Variants in INSL6 observed in about 807,000 individuals in gnomAD.
INSL6 encodes the protein insulin-like peptide INSL6.
In INSL6, 16 loss-of-function variants were observed where a neutral mutation model predicts 9.4. The ratio of observed to expected loss-of-function variants is 1.70; its 90% CI spans 1.15 to 2.59. INSL6 has a LOEUF of 2.59. Ranked by LOEUF, INSL6 falls within the 30% of genes most tolerant of loss-of-function variation. The pLI, the probability that INSL6 is intolerant of heterozygous loss-of-function variation, is 0.00. For missense variants in INSL6, 391 were observed against 257.3 expected (o/e 1.52, Z -3.56); for synonymous variants, 154 against 96.9 (o/e 1.59, Z -3.46).
At chr9:5,068,168 C>A in the INSL6 span, among the ~76,000 whole-genome samples, 16 of 79,652 alleles carry the variant, frequency 2.0e-4, no homozygotes, top group Admixed American at 7.7e-4. Context: ...CAAAAAAAAA[C>A]AACAACAAAA....
chr9:5,042,863 C>T, the INSL6 span, among the ~76,000 whole-genome samples: 2 of 152,238 alleles, frequency 1.3e-5, no homozygotes, highest in African/African-American at 4.8e-5. Flanking sequence ...GCTCGGTCGC[C>T]ACAGGCACGG....
At chr9:5,122,891 A>G, downstream of INSL6, 6 of 650,584 alleles carry the variant, frequency 9.2e-6, no homozygotes, top group Non-Finnish European at 7.6e-6. Context: ...GCCTGCTGTG[A>G]TAACTCTTTT....
At chr9:5,138,046 C>T (rs900198840) in intron 2 of INSL6, among the ~76,000 whole-genome samples, 4 of 152,134 alleles carry the variant, frequency 2.6e-5, no homozygotes, top group Admixed American at 6.5e-5. Context: ...CATCTCATGC[C>T]AGTTAGAATG....
At chr9:5,073,878 A>G in the INSL6 span, 1 of 768,814 alleles carries the variant, frequency 1.3e-6, no homozygotes, top group South Asian at 1.6e-5. Context: ...GCTAGGTGTC[A>G]GTGTAAACTA....
the INSL6 span, among the ~76,000 whole-genome samples, chr9:5,106,555 C>T: frequency 1.3e-5 from 2 of 152,156 alleles, no homozygotes; most frequent in African/African-American, 2.4e-5. Context: ...ACTGGGTATA[C>T]ACCCAAAGGA....
intron 1 of INSL6, among the ~76,000 whole-genome samples, chr9:5,165,685 G>T (rs1011433965): frequency 1.1e-4 from 16 of 152,100 alleles, no homozygotes; most frequent in African/African-American, 3.9e-4. Flanking sequence ...TAAAGAAATA[G>T]AGAAGTGGTA....
At chr9:5,136,679 A>G (rs1226991266) in intron 2 of INSL6, among the ~76,000 whole-genome samples, 3 of 152,204 alleles carry the variant, frequency 2.0e-5, no homozygotes, top group Admixed American at 6.5e-5. Context: ...GAACGGGCAA[A>G]AACTGGAAGC....
chr9:5,019,278 C>T, the INSL6 span, among the ~76,000 whole-genome samples: 1 of 152,022 alleles, frequency 6.6e-6, no homozygotes, highest in African/African-American at 2.4e-5. Flanking sequence ...GGGGTTATTT[C>T]AGAAGACCTG....
the INSL6 span, among the ~76,000 whole-genome samples, chr9:5,106,444 TGGTG>T: frequency 4.6e-5 from 7 of 152,238 alleles, no homozygotes; most frequent in Non-Finnish European, 8.8e-5. Flanking sequence ...TTCACACTGT[TGGTG>T]GGAGTAGTGT....
chr9:5,045,556 T>G, the INSL6 span, among the ~76,000 whole-genome samples: 1 of 152,226 alleles, frequency 6.6e-6, no homozygotes, highest in Non-Finnish European at 1.5e-5. Context: ...TCATACCCAT[T>G]AAATAATAAC....
downstream of INSL6, among the ~76,000 whole-genome samples, chr9:5,162,006 G>T (rs569072563): frequency 6.6e-6 from 1 of 152,018 alleles, no homozygotes; most frequent in Non-Finnish European, 1.5e-5. Flanking sequence ...TTGAGCCCAG[G>T]AGGTTGAGGG....
chr9:5,104,614 A>C, the INSL6 span, among the ~76,000 whole-genome samples: 1 of 152,188 alleles, frequency 6.6e-6, no homozygotes, highest in Non-Finnish European at 1.5e-5. Context: ...CAAAAAAATA[A>C]TTTTAGACCA....
chr9:5,013,283 A>ATATT, the INSL6 span, among the ~76,000 whole-genome samples: 10 of 152,198 alleles, frequency 6.6e-5, no homozygotes, highest in African/African-American at 9.6e-5. Context: ...TCACCTCACC[A>ATATT]TATTTAGGTT....
the INSL6 span, among the ~76,000 whole-genome samples, chr9:5,088,775 A>G: frequency 2.6e-5 from 4 of 152,120 alleles, no homozygotes; most frequent in Admixed American, 6.5e-5. Flanking sequence ...CACATGGGAG[A>G]GAGAGATTGC....
At chr9:5,021,733 C>T in the INSL6 span, among the ~76,000 whole-genome samples, 66 of 152,290 alleles carry the variant, frequency 4.3e-4, no homozygotes, top group Non-Finnish European at 8.5e-4. Context: ...TCAAGCAATT[C>T]TTCCGCTCCA....
chr9:5,177,313 T>A (rs1825331870), intron 1 of INSL6, among the ~76,000 whole-genome samples: 1 of 152,032 alleles, frequency 6.6e-6, no homozygotes, highest in African/African-American at 2.4e-5. Flanking sequence ...CCAAGGAAAG[T>A]GGTGAGTGAT....
chr9:5,164,935 T>G (rs763161296), intron 1 of INSL6, among the ~76,000 whole-genome samples: 3 of 152,196 alleles, frequency 2.0e-5, no homozygotes, highest in Non-Finnish European at 4.4e-5. Flanking sequence ...TGGCCCAGCA[T>G]AGTGGCTCAC....
the INSL6 span, among the ~76,000 whole-genome samples, chr9:5,036,875 A>T: frequency 3.3e-5 from 5 of 152,196 alleles, no homozygotes; most frequent in Admixed American, 2.6e-4. Context: ...ATCTCATTAA[A>T]CCAAAGAGCT....
chr9:5,041,072 C>T, the INSL6 span: 1 of 689,958 alleles, frequency 1.4e-6, no homozygotes. Context: ...TCCCTCAGGT[C>T]TACTACCTAC....
Sources: gnomAD v4.1 joint callset for allele counts (sites outside exome capture counted in the v4.1 genomes callset) on GRCh38, gnomAD v4.1.1 for gene constraint, MANE v1.5 for transcripts, NCBI Gene and HGNC (gene_info 2026-07-23, HGNC 2026-07-21) for gene names.